Variants in LRMDA observed in about 807,000 individuals in gnomAD.
LRMDA encodes leucine-rich melanocyte differentiation-associated protein.
A neutral mutation model predicts 29.8 loss-of-function variants in LRMDA; 18 were observed. That is an observed-to-expected ratio of 0.60 (90% confidence interval 0.42 to 0.90). LRMDA has a LOEUF of 0.90. LRMDA is among the 40% of genes least tolerant of loss of function. The pLI is 0.00. For missense variants in LRMDA, 273 were observed against 273.9 expected (o/e 1.00, Z 0.02); for synonymous variants, 125 against 109.4 (o/e 1.14, Z -0.89).
At chr10:76,450,112 G>A (rs1481576191) in intron 6 of LRMDA, among the ~76,000 whole-genome samples, 5 of 151,908 alleles carry the variant, frequency 3.3e-5, no homozygotes, top group African/African-American at 1.2e-4. Context: ...CATTTTTCGT[G>A]TGCTTTCTCA....
chr10:75,951,748 C>T (rs1846578032), intron 2 of LRMDA, among the ~76,000 whole-genome samples: 2 of 152,210 alleles, frequency 1.3e-5, no homozygotes, highest in South Asian at 4.1e-4. Context: ...GGTAACCTCT[C>T]TTCCTGCATG....
At chr10:76,533,434 A>G (rs1168623504) in intron 6 of LRMDA, among the ~76,000 whole-genome samples, 2 of 152,128 alleles carry the variant, frequency 1.3e-5, no homozygotes, top group Non-Finnish European at 2.9e-5. Flanking sequence ...ATCATATAAG[A>G]CCTGACTTTA....
intron 2 of LRMDA, among the ~76,000 whole-genome samples, chr10:75,900,913 A>G (rs560530730): frequency 3.9e-5 from 6 of 152,330 alleles, no homozygotes; most frequent in African/African-American, 1.4e-4. Context: ...TAGCTGCTGG[A>G]TAATCATATT....
At position 76,323,901 on chromosome 10, in the gene LRMDA, A is replaced by G. The variant is rs550871406; in HGVS notation, c.517-500A>G. 3.5e-4 allele frequency among the ~76,000 whole-genome samples: 54 copies of G among 152,340 alleles called. No individual in the cohort carries two copies. The South Asian group carries it at 0.011, about 30-fold the overall frequency. ...CAGAATCCCCAGTACACAGCACAAG[A>G]CAATTTATATCCTTTCCTATGGTGA... On this transcript the variant is annotated intron_variant, in intron 5 of 6. Coordinates refer to ENST00000611255, the MANE Select transcript of LRMDA (RefSeq NM_001305581.2).
At chr10:76,099,151 C>T (rs1849358598) in intron 5 of LRMDA, among the ~76,000 whole-genome samples, 1 of 152,182 alleles carries the variant, frequency 6.6e-6, no homozygotes, top group African/African-American at 2.4e-5. Flanking sequence ...GTTAGTCCTA[C>T]CTACAAAGGC....
At chr10:76,424,840 T>G (rs1842107494) in intron 6 of LRMDA, among the ~76,000 whole-genome samples, 1 of 152,182 alleles carries the variant, frequency 6.6e-6, no homozygotes, top group South Asian at 2.1e-4. Context: ...TCCCAAGTTA[T>G]TTCTCCAACC....
chr10:76,049,630 C>T (rs757244140), intron 4 of LRMDA, among the ~76,000 whole-genome samples: 48 of 152,092 alleles, frequency 3.2e-4, no homozygotes, highest in Non-Finnish European at 6.2e-4. Context: ...TAAGCAGATC[C>T]GCTTTGTCCT....
At chr10:76,181,306 C>G (rs1275565636) in intron 5 of LRMDA, among the ~76,000 whole-genome samples, 1 of 152,236 alleles carries the variant, frequency 6.6e-6, no homozygotes, top group East Asian at 1.9e-4. Flanking sequence ...ACTGCTTCAT[C>G]AATTGCTTTG....
intron 2 of LRMDA, among the ~76,000 whole-genome samples, chr10:75,569,728 C>T (rs545561771): frequency 6.6e-6 from 1 of 152,318 alleles, no homozygotes; most frequent in East Asian, 1.9e-4. Flanking sequence ...ATTGTTTTCT[C>T]CTTCTGATTG....
At chr10:76,258,561 C>T (rs1318226918) in intron 5 of LRMDA, among the ~76,000 whole-genome samples, 1 of 152,026 alleles carries the variant, frequency 6.6e-6, no homozygotes, top group East Asian at 1.9e-4. Context: ...AATTATTCCT[C>T]TTATCTGGCT....
At chr10:75,727,628 A>G (rs746502396) in intron 2 of LRMDA, among the ~76,000 whole-genome samples, 15 of 152,232 alleles carry the variant, frequency 9.9e-5, no homozygotes, top group Non-Finnish European at 2.1e-4. Context: ...GTGACAATGC[A>G]AAAAATATCT....
At chr10:75,770,995 G>T (rs1477854228) in intron 2 of LRMDA, among the ~76,000 whole-genome samples, 2 of 152,126 alleles carry the variant, frequency 1.3e-5, no homozygotes, top group Non-Finnish European at 2.9e-5. Flanking sequence ...ACGTGTCCGT[G>T]GGGAGGTAAT....
chr10:76,230,825 A>G (rs906731032), intron 5 of LRMDA, among the ~76,000 whole-genome samples: 9 of 152,352 alleles, frequency 5.9e-5, no homozygotes, highest in Admixed American at 5.2e-4. Flanking sequence ...GTTTAATTAC[A>G]TTTTAGTTCA....
intron 2 of LRMDA, among the ~76,000 whole-genome samples, chr10:76,031,473 C>T (rs1848149099): frequency 1.3e-5 from 2 of 152,094 alleles, no homozygotes; most frequent in African/African-American, 4.8e-5. Flanking sequence ...CTTAGACACT[C>T]CCAGGTTTTG....
intron 2 of LRMDA, among the ~76,000 whole-genome samples, chr10:75,537,399 G>A (rs965424797): frequency 2.0e-5 from 3 of 152,112 alleles, no homozygotes; most frequent in Non-Finnish European, 1.5e-5. Context: ...GTGACATCAG[G>A]CAAGTTGTTA....
intron 2 of LRMDA, among the ~76,000 whole-genome samples, chr10:75,715,679 A>G (rs1842491245): frequency 1.3e-5 from 2 of 152,134 alleles, no homozygotes; most frequent in Non-Finnish European, 2.9e-5. Context: ...TTTTTTACCT[A>G]TATAAATATA....
At chr10:75,685,852 A>C (rs955370888) in intron 2 of LRMDA, among the ~76,000 whole-genome samples, 1 of 152,236 alleles carries the variant, frequency 6.6e-6, no homozygotes, top group Non-Finnish European at 1.5e-5. Context: ...ATAACAAACA[A>C]AAACAACAAC....
chr10:75,585,270 C>G (rs367622160), intron 2 of LRMDA, among the ~76,000 whole-genome samples: 3 of 152,180 alleles, frequency 2.0e-5, no homozygotes, highest in Non-Finnish European at 4.4e-5. Flanking sequence ...TCAAAATGTC[C>G]TTGCTTCATT....
chr10:76,485,680 A>T (rs941073040), intron 6 of LRMDA, among the ~76,000 whole-genome samples: 1 of 151,784 alleles, frequency 6.6e-6, no homozygotes, highest in African/African-American at 2.4e-5. Flanking sequence ...AACATTTCTC[A>T]TAGAATAAGT....
Sources: gnomAD v4.1 joint callset for allele counts (sites outside exome capture counted in the v4.1 genomes callset) on GRCh38, gnomAD v4.1.1 for gene constraint, MANE v1.5 for transcripts, NCBI Gene and HGNC (gene_info 2026-07-23, HGNC 2026-07-21) for gene names.